TLE1: variants seen among roughly 807,000 people sequenced by gnomAD.
The protein encoded by TLE1 is TLE family member 1, transcriptional corepressor.
A neutral mutation model predicts 89.8 loss-of-function variants in TLE1; 21 were observed. The observed-to-expected ratio is 0.23, with a 90% CI of 0.17 to 0.34. The LOEUF is 0.34. TLE1 is among the 10% of genes least tolerant of loss of function. The pLI, the probability that TLE1 is intolerant of heterozygous loss-of-function variation, is 1.00. For missense variants in TLE1, 795 were observed against 1,031.2 expected, an observed-to-expected ratio of 0.77 and a Z score of 3.14; for synonymous variants, 447 against 407.6, an observed-to-expected ratio of 1.10 and a Z score of -1.16.
At chr9:81,648,025 A>G (rs749246097) in intron 6 of TLE1, among the ~76,000 whole-genome samples, 1 of 152,164 alleles carries the variant, frequency 6.6e-6, no homozygotes, top group African/African-American at 2.4e-5. Flanking sequence ...TAATCCCAAC[A>G]CTTTGGGAGG....
chr9:81,654,750 C>T (rs955747314), intron 4 of TLE1, among the ~76,000 whole-genome samples: 1 of 152,152 alleles, frequency 6.6e-6, no homozygotes, highest in Non-Finnish European at 1.5e-5. Flanking sequence ...CAAAGCAGTC[C>T]ACCTTTCAAA....
At position 81,641,204 on chromosome 9, in the gene TLE1, AAAAT is replaced by A. The variant is rs1373073615; in HGVS notation, c.373-6907_373-6904del. 3.7e-3 allele frequency among the ~76,000 whole-genome samples: 511 copies of A among 136,290 alleles called. 6 individuals are homozygous for A. Among genetic ancestry groups the A allele is most frequent in the African/African-American group, 0.014 (493 of 35,988 alleles). The allele number at this position is 136,290 out of a possible 152,430, so 89.4% of individuals were successfully genotyped here. ...CTCAATTCCTATCTTGGGAGACAGCAAAATAAATAAATAAATAAATAAAAATAAA... is the reference window on the plus strand; with the variant it reads ...CTCAATTCCTATCTTGGGAGACAGCAAAATAAATAAATAAATAAAAATAAA... On this transcript the variant is annotated intron_variant, in intron 6 of 19. Coordinates refer to ENST00000376499, the MANE Select transcript of TLE1 (RefSeq NM_005077.5).
chr9:81,661,199 T>C (rs980598645), intron 4 of TLE1, among the ~76,000 whole-genome samples: 2 of 43,220 alleles, frequency 4.6e-5, no homozygotes, highest in African/African-American at 1.6e-4. Context: ...TATATATATA[T>C]GTATTTTTAT....
At chr9:81,587,920 G>GTGTCATCCCGCC in intron 16 of TLE1, 92 bp from the exon 17 acceptor site, 2 of 1,015,430 alleles carry the variant, frequency 2.0e-6, no homozygotes, top group Non-Finnish European at 2.7e-6. Context: ...GTGTGTGTGT[G>GTGTCATCCCGCC]TGTGTGTGTG....
chr9:81,607,245 G>A (rs922136701), intron 14 of TLE1, among the ~76,000 whole-genome samples: 15 of 152,064 alleles, frequency 9.9e-5, no homozygotes, highest in Non-Finnish European at 2.1e-4. Flanking sequence ...GCATGGCTCT[G>A]AACACAAAGA....
intron 8 of TLE1, among the ~76,000 whole-genome samples, chr9:81,629,719 T>G (rs1407696693): frequency 2.0e-5 from 3 of 152,200 alleles, no homozygotes. Flanking sequence ...CCTGTACATG[T>G]TACTGTCCTG....
In TLE1 at chr9:81,687,531, T is replaced by C. The variant is rs1306913707; in HGVS notation, c.25-97A>G. Reference sequence around the variant, plus strand: ...GGCAAGAACGGGTGGGACATAAACATAAAGTTAGAAGTGGCTGAAAACGAG... The same window carrying C: ...GGCAAGAACGGGTGGGACATAAACACAAAGTTAGAAGTGGCTGAAAACGAG... On this transcript the variant is annotated intron_variant, in intron 1 of 19. Coordinates refer to ENST00000376499, the MANE Select transcript of TLE1 (RefSeq NM_005077.5). 8 of 919,462 alleles carry C rather than the reference T, an allele frequency of 8.7e-6. No homozygotes were observed. The Admixed American group carries it at 1.5e-4, about 17-fold the overall frequency. The allele number at this position is 919,462 out of a possible 1,614,324, so 57.0% of individuals were successfully genotyped here. A position where few individuals can be genotyped will look rare whatever the true frequency, so the allele number is the denominator to read the frequency against.
At chr9:81,670,647 C>T (rs995294177) in intron 4 of TLE1, among the ~76,000 whole-genome samples, 3 of 149,610 alleles carry the variant, frequency 2.0e-5, no homozygotes, top group Non-Finnish European at 4.4e-5. Context: ...TGAGAAGCAA[C>T]AATTGTTACT....
intron 14 of TLE1, among the ~76,000 whole-genome samples, chr9:81,603,695 A>T (rs1226291107): frequency 6.6e-6 from 1 of 152,112 alleles, no homozygotes; most frequent in Non-Finnish European, 1.5e-5. Flanking sequence ...CAAATTTGTC[A>T]TTTCTTTGTA....
intron 4 of TLE1, among the ~76,000 whole-genome samples, chr9:81,681,550 G>GA (rs1833632797): frequency 7.2e-6 from 1 of 138,656 alleles, no homozygotes; most frequent in Admixed American, 7.4e-5. Context: ...ATTCCGTCGC[G>GA]CAAAAAAAAA....
chr9:81,595,755 C>G (rs973678401), intron 14 of TLE1, among the ~76,000 whole-genome samples: 3 of 147,936 alleles, frequency 2.0e-5, no homozygotes, highest in East Asian at 2.0e-4. Flanking sequence ...GGAGGCGGAG[C>G]TTGTGGTGAG....
At chr9:81,675,446 C>G (rs1275846587) in intron 4 of TLE1, among the ~76,000 whole-genome samples, 1 of 152,066 alleles carries the variant, frequency 6.6e-6, no homozygotes, top group Non-Finnish European at 1.5e-5. Context: ...AGCTGCAGTT[C>G]CAGGGACAGT....
chr9:81,671,747 C>G (rs1474214296), intron 4 of TLE1, among the ~76,000 whole-genome samples: 1 of 152,140 alleles, frequency 6.6e-6, no homozygotes, highest in Non-Finnish European at 1.5e-5. Flanking sequence ...TCATAAATAT[C>G]ATAGCATCTA....
At chr9:81,669,506 A>G (rs1225774903) in intron 4 of TLE1, among the ~76,000 whole-genome samples, 3 of 152,190 alleles carry the variant, frequency 2.0e-5, no homozygotes, top group East Asian at 1.9e-4. Flanking sequence ...GCAGTACTGT[A>G]AAGTAGAAAT....
Position 81,613,520 on chromosome 9 carries a change from T to A in TLE1, c.920A>T (p.His307Leu). The change falls in exon 12 of 20, where the codon CAT becomes CTT. Residue 307 changes from histidine to leucine, a missense_variant and splice_region_variant. By Grantham distance (99) the His-to-Leu change is moderately conservative. Around this residue, in one of 4 missense-constraint regions of TLE1, gnomAD observed 468 missense variants for 509.1 expected, o/e 0.92. Transcript: ENST00000376499. ...CAGAACAGGCGTGCTGGCTTTTTCA[T>A]GCTGGTGTCATTAAACAAATTAAAT... Reference protein sequence around the residue: ...TSLKSKEMSLHEKASTPVLKS... With the variant: ...TSLKSKEMSLLEKASTPVLKS... 1 of 1,614,088 alleles carries A rather than the reference T, an allele frequency of 6.2e-7. No homozygotes were observed. The highest frequency in any genetic ancestry group is 8.5e-7 in the Non-Finnish European group (1 of 1,180,022).
At chr9:81,585,478 C>T in intron 18 of TLE1, 27 bp downstream of exon 18, 1 of 1,598,746 alleles carries the variant, frequency 6.3e-7, no homozygotes, top group Non-Finnish European at 8.5e-7. Flanking sequence ...CATCAACGGC[C>T]TCCAGTTTCC....
chr9:81,588,605 C>A (rs1821500176), intron 16 of TLE1, among the ~76,000 whole-genome samples: 1 of 152,158 alleles, frequency 6.6e-6, no homozygotes. Context: ...CAGAAACGAT[C>A]AGCCAACAGG....
Position 81,688,611 on chromosome 9 carries a change from G to A in TLE1, c.-371C>T. ...GGTGACTCCGACCGCACTCCCCTCG[G>A]CGATCCGCGTGCGCGGCGCCAGTCC... On this transcript the variant is annotated 5_prime_UTR_variant, in exon 1 of 20. Coordinates refer to ENST00000376499, the MANE Select transcript of TLE1 (RefSeq NM_005077.5). 1 of 239,892 alleles carries A rather than the reference G, an allele frequency of 4.2e-6. No homozygotes were observed. Among genetic ancestry groups the A allele is most frequent in the Non-Finnish European group, 7.9e-6 (1 of 125,990 alleles). The allele number at this position is 239,892 out of a possible 1,614,324, so 14.9% of individuals were successfully genotyped here.
chr9:81,684,329 T>C (rs1170082796), intron 4 of TLE1, among the ~76,000 whole-genome samples: 1 of 151,952 alleles, frequency 6.6e-6, no homozygotes, highest in Non-Finnish European at 1.5e-5. Context: ...CAACATAAAG[T>C]AGGCTACCAA....
Sources: gnomAD v4.1 joint callset for allele counts (sites outside exome capture counted in the v4.1 genomes callset) on GRCh38, gnomAD v4.1.1 for gene constraint, gnomAD v4.1.1 regional missense constraint, MANE v1.5 for transcripts, NCBI Gene and HGNC (gene_info 2026-07-23, HGNC 2026-07-21) for gene names.